The following RFX7 variants were observed in gnomAD, a reference collection of about 807,000 sequenced individuals.
The protein encoded by RFX7 is regulatory factor X7.
Under a neutral mutation model 111.8 loss-of-function variants are expected in RFX7, and 26 were observed. The ratio of observed to expected loss-of-function variants is 0.23; its 90% CI spans 0.17 to 0.32. RFX7 has a LOEUF of 0.32. Ranked by LOEUF, RFX7 falls within the 10% of genes least tolerant of loss-of-function variation. The pLI, the probability that RFX7 is intolerant of heterozygous loss-of-function variation, is 1.00. For synonymous variants in RFX7, 624 were observed against 624.4 expected (o/e 1.00, Z 0.01); for missense variants, 1,573 against 1,772.9 (o/e 0.89, Z 2.02).
intron 5 of RFX7, among the ~76,000 whole-genome samples, chr15:56,118,058 G>T (rs1208778481): frequency 6.6e-6 from 1 of 150,932 alleles, no homozygotes; most frequent in Non-Finnish European, 1.5e-5. Flanking sequence ...AAAAATTCTT[G>T]TGAGTATATA....
At position 56,195,265 on chromosome 15, in the gene RFX7, G is replaced by C. The variant is rs928840067; in HGVS notation, c.162-15962C>G. ...TTGGTTGGGGTTGCGGAAATGAAGAGTGACTGCTTAATGCATATTCCTTTT... is the reference window on the plus strand; with the variant it reads ...TTGGTTGGGGTTGCGGAAATGAAGACTGACTGCTTAATGCATATTCCTTTT... On this transcript the variant is annotated intron_variant, in intron 2 of 9. Coordinates refer to ENST00000559447, the MANE Select transcript of RFX7 (RefSeq NM_022841.7). Among the ~76,000 whole-genome samples, 4 of 152,112 alleles carry C rather than the reference G, an allele frequency of 2.6e-5. 1 individual carries two copies. Among genetic ancestry groups the C allele is most frequent in the Admixed American group, 1.3e-4 (2 of 15,282 alleles).
chr15:56,157,042 C>G (rs955834487), intron 3 of RFX7, among the ~76,000 whole-genome samples: 5 of 152,212 alleles, frequency 3.3e-5, no homozygotes, highest in Admixed American at 6.5e-5. Flanking sequence ...CCACAATGTT[C>G]AAGGAACTGC....
At chr15:56,128,638 T>G (rs1394911822) in intron 5 of RFX7, among the ~76,000 whole-genome samples, 1 of 152,122 alleles carries the variant, frequency 6.6e-6, no homozygotes, top group Non-Finnish European at 1.5e-5. Flanking sequence ...CCTCTTTGTA[T>G]CAGGCAACAG....
chr15:56,130,876 T>C (rs1223370145), intron 5 of RFX7, among the ~76,000 whole-genome samples: 1 of 151,930 alleles, frequency 6.6e-6, no homozygotes, highest in East Asian at 1.9e-4. Flanking sequence ...ATGACCAAAA[T>C]TGATGAATAA....
chr15:56,235,387 G>C (rs770604281), intron 2 of RFX7, among the ~76,000 whole-genome samples: 1 of 152,058 alleles, frequency 6.6e-6, no homozygotes, highest in Non-Finnish European at 1.5e-5. Flanking sequence ...TGTTAGCCAG[G>C]ATAGTCTTGA....
rs533743556 is a variant in RFX7, at chr15:56,232,021, C to G, written c.161+11104G>C. On this transcript the variant is annotated intron_variant, in intron 2 of 9. Coordinates refer to ENST00000559447, the MANE Select transcript of RFX7 (RefSeq NM_022841.7). Reference sequence around the variant, plus strand: ...TTCCCATGGTCTTGAGCGGCTCCGCCCCTGTGGCTTTGCAGGATACAGCCT... The same window carrying G: ...TTCCCATGGTCTTGAGCGGCTCCGCGCCTGTGGCTTTGCAGGATACAGCCT... Among the ~76,000 whole-genome samples, 5 of 152,330 alleles carry G rather than the reference C, an allele frequency of 3.3e-5. No homozygotes were observed. The East Asian group carries it at 7.7e-4, about 24-fold the overall frequency.
chr15:56,135,414 T>C (rs1245614393), intron 5 of RFX7, among the ~76,000 whole-genome samples: 1 of 152,212 alleles, frequency 6.6e-6, no homozygotes, highest in Non-Finnish European at 1.5e-5. Flanking sequence ...AAATGTCTTC[T>C]TTTGAGAAGT....
At chr15:56,217,737 A>G (rs76436981) in intron 2 of RFX7, among the ~76,000 whole-genome samples, 10,058 of 152,264 alleles carry the variant, frequency 0.066, 454 homozygotes, top group Admixed American at 0.11. Context: ...TATAGCTTTA[A>G]TTGTACACAG....
chr15:56,241,496 G>C (rs1172899628), intron 2 of RFX7, among the ~76,000 whole-genome samples: 1 of 151,860 alleles, frequency 6.6e-6, no homozygotes. Context: ...CATTAACTTG[G>C]ATTTCCCACA....
In RFX7 at chr15:56,144,620, A is replaced by C. The variant is rs187975524; in HGVS notation, c.196-137T>G. The C allele has an allele frequency of 2.6e-5, 8 of 307,452 alleles. No individual in the cohort carries two copies. The East Asian group carries it at 5.2e-4, about 20-fold the overall frequency. 19.0% of individuals were successfully genotyped at this position (307,452 alleles called of 1,614,324 possible). A position where few individuals can be genotyped will look rare whatever the true frequency, so the allele number is the denominator to read the frequency against. On this transcript the variant is annotated intron_variant, in intron 3 of 9. Transcript: ENST00000559447. ...GATGAATCATCTGTCTTTTCTCATC[A>C]CTAAAATAATACAATGAGGTTATTT... is the stretch of plus-strand genomic sequence containing the variant.
chr15:56,094,353 A>T lies in RFX7; in HGVS notation c.3375T>A (p.Ser1125=), dbSNP rs537851263. 120 of 1,613,994 alleles carry T rather than the reference A, an allele frequency of 7.4e-5. No individual in the cohort carries two copies. In the South Asian group the frequency reaches 1.2e-3, roughly 16 times the overall value. The stretch of plus-strand genomic sequence containing the variant: ...CAGTGGCACCTTGATGCTGCACAGG[A>T]GAGACAGGAGTCAAACGACCAAAAT... The part of the protein sequence containing the change: ...DTHFGRLTPV[S]PVQHQGATVN... Residue 1125 remains serine (S), a synonymous_variant, in exon 10 of 10, where the codon TCT becomes TCA. Coordinates refer to ENST00000559447, the MANE Select transcript of RFX7 (RefSeq NM_022841.7).
At chr15:56,107,687 G>C (rs1220539098) in intron 5 of RFX7, among the ~76,000 whole-genome samples, 1 of 152,172 alleles carries the variant, frequency 6.6e-6, no homozygotes, top group Non-Finnish European at 1.5e-5. Context: ...AACTTGCACA[G>C]AGAGGTGCAC....
At chr15:56,134,686 G>A (rs547168877) in intron 5 of RFX7, among the ~76,000 whole-genome samples, 1 of 137,852 alleles carries the variant, frequency 7.3e-6, no homozygotes, top group East Asian at 2.2e-4. Context: ...ACTTACATAT[G>A]TATACATGTG....
chr15:56,238,753 T>C (rs796320563), intron 2 of RFX7, among the ~76,000 whole-genome samples: 24 of 152,216 alleles, frequency 1.6e-4, no homozygotes, highest in African/African-American at 5.1e-4. Context: ...AATTTTCAGG[T>C]ACAAGTTTAA....
At chr15:56,132,445 A>T (rs2140994230) in intron 5 of RFX7, among the ~76,000 whole-genome samples, 1 of 152,222 alleles carries the variant, frequency 6.6e-6, no homozygotes, top group South Asian at 2.1e-4. Context: ...GATTAGTGTT[A>T]AGACAGAAAA....
intron 9 of RFX7, among the ~76,000 whole-genome samples, chr15:56,097,790 T>C (rs1328265250): frequency 1.5e-5 from 2 of 134,622 alleles, no homozygotes; most frequent in Non-Finnish European, 3.2e-5. Context: ...CAGCCAGGGA[T>C]GAAACAACTC....
intron 3 of RFX7, among the ~76,000 whole-genome samples, chr15:56,145,145 T>C (rs902733724): frequency 2.6e-5 from 4 of 152,218 alleles, no homozygotes; most frequent in African/African-American, 9.6e-5. Context: ...TCATTTTGTC[T>C]CTAAATGTAA....
intron 2 of RFX7, among the ~76,000 whole-genome samples, chr15:56,185,937 C>T (rs887310754): frequency 2.0e-5 from 3 of 152,116 alleles, no homozygotes; most frequent in Non-Finnish European, 4.4e-5. Context: ...TCAGAGGAGT[C>T]TCATATCCTG....
At chr15:56,130,239 T>C (rs1436253248) in intron 5 of RFX7, among the ~76,000 whole-genome samples, 1 of 152,150 alleles carries the variant, frequency 6.6e-6, no homozygotes, top group Non-Finnish European at 1.5e-5. Flanking sequence ...ATCAATGTAA[T>C]ATACAGAGCT....
Sources: gnomAD v4.1 joint callset for allele counts (sites outside exome capture counted in the v4.1 genomes callset) on GRCh38, gnomAD v4.1.1 for gene constraint, MANE v1.5 for transcripts, NCBI Gene and HGNC (gene_info 2026-07-23, HGNC 2026-07-21) for gene names.